Variants in MIER1 observed in about 807,000 individuals in gnomAD.
The protein encoded by MIER1 is MIER1 transcriptional regulator.
A neutral mutation model predicts 75.7 loss-of-function variants in MIER1; 40 were observed. The observed-to-expected ratio is 0.53, with a 90% CI of 0.41 to 0.69. The LOEUF is 0.69. Ranked by LOEUF, MIER1 falls within the 30% of genes least tolerant of loss-of-function variation. The pLI is 0.00. For synonymous variants in MIER1, 213 were observed against 223.4 expected (o/e 0.95, Z 0.42); for missense variants, 574 against 680.2 (o/e 0.84, Z 1.74).
At chr1:66,931,752 G>C (rs1570061390) in intron 2 of MIER1, among the ~76,000 whole-genome samples, 1 of 152,024 alleles carries the variant, frequency 6.6e-6, no homozygotes, top group Non-Finnish European at 1.5e-5. Flanking sequence ...ACTGAGAATC[G>C]GTACCTGGAT....
At chr1:66,930,236 C>G in intron 2 of MIER1, 2 of 1,444,128 alleles carry the variant, frequency 1.4e-6, no homozygotes, top group South Asian at 1.4e-5. Context: ...GTGGTGGGCG[C>G]GCTCGGGCGG....
chr1:66,971,326 T>C (rs1021088617), intron 9 of MIER1, among the ~76,000 whole-genome samples: 5 of 152,008 alleles, frequency 3.3e-5, no homozygotes, highest in African/African-American at 1.2e-4. Context: ...TTAATCATTG[T>C]TTTTTTCTGA....
At position 66,966,530 on chromosome 1, in the gene MIER1, T is replaced by C. The variant is rs540033439; in HGVS notation, c.772+3370T>C. On this transcript the variant is annotated intron_variant, in intron 8 of 13. Transcript: ENST00000401041. ...TGTGTCTTTATAGCAGCGTGATTTATAATCCTTTGGGTATATGCCCAATAA... is the reference window on the plus strand; with the variant it reads ...TGTGTCTTTATAGCAGCGTGATTTACAATCCTTTGGGTATATGCCCAATAA... Among the ~76,000 whole-genome samples, 8 of 152,364 alleles carry C rather than the reference T, an allele frequency of 5.3e-5. No homozygotes were observed. The South Asian group carries it at 1.7e-3, about 32-fold the overall frequency.
chr1:66,945,633 A>G (rs114647350), intron 3 of MIER1, among the ~76,000 whole-genome samples: 1 of 152,170 alleles, frequency 6.6e-6, no homozygotes, highest in Admixed American at 6.5e-5. Flanking sequence ...ACGCCAAGGC[A>G]GGATGATTGC....
chr1:66,952,444 A>G (rs1469228701), intron 4 of MIER1, among the ~76,000 whole-genome samples: 1 of 152,166 alleles, frequency 6.6e-6, no homozygotes, highest in Non-Finnish European at 1.5e-5. Flanking sequence ...TACTGTTTAT[A>G]GCATCAGAAT....
At chr1:66,938,793 A>G (rs1454242133) in intron 2 of MIER1, among the ~76,000 whole-genome samples, 1 of 152,118 alleles carries the variant, frequency 6.6e-6, no homozygotes, top group Non-Finnish European at 1.5e-5. Flanking sequence ...TTTGCTAGAC[A>G]ATGCTATAGG....
intron 4 of MIER1, among the ~76,000 whole-genome samples, chr1:66,953,249 G>A (rs1395220597): frequency 6.6e-6 from 1 of 152,232 alleles, no homozygotes; most frequent in Non-Finnish European, 1.5e-5. Context: ...GAGAGGCTTG[G>A]AGGGGAAATA....
chr1:66,943,274 A>G (rs373749348), intron 3 of MIER1, among the ~76,000 whole-genome samples: 1 of 152,196 alleles, frequency 6.6e-6, no homozygotes, highest in African/African-American at 2.4e-5. Flanking sequence ...TTGTGCTCCT[A>G]TGGAACCCTT....
At chr1:66,963,523 A>T (rs911462713) in intron 8 of MIER1, among the ~76,000 whole-genome samples, 4 of 152,180 alleles carry the variant, frequency 2.6e-5, no homozygotes, top group Admixed American at 2.6e-4. Flanking sequence ...TATATCAATG[A>T]AAGGCATAAA....
rs776683971 is a variant in MIER1 at position 66,958,121 on chromosome 1, A to G, written c.402A>G (p.Leu134=). 2.5e-6 allele frequency: 4 copies of G among 1,611,496 alleles called. No homozygotes were observed. The Admixed American group carries it at 5.0e-5, about 20-fold the overall frequency. ...ATGGTTATGGTAGTACTGTTCGACT[A>G]CCTGAAGAAGATGAGGAAGAGGAAG... ...SLYGYGSTVR[L]PEEDEEEEEE... The change falls in exon 5 of 14, where the codon CTA becomes CTG. Residue 134 remains leucine (L), a synonymous_variant. Transcript: ENST00000401041.
chr1:66,935,107 A>G (rs1047385017), intron 2 of MIER1, among the ~76,000 whole-genome samples: 2 of 152,182 alleles, frequency 1.3e-5, no homozygotes, highest in African/African-American at 4.8e-5. Context: ...TGTTTTTACT[A>G]TGTTGTTGTT....
Position 66,981,772 on chromosome 1 carries a change from T to C in MIER1, c.1230-7T>C, listed in dbSNP as rs1195633664. ...TTTAATATAAAAATTGTTTTATTAA[T>C]TTTAAGGGATTACATGGATCGTCTT... is the stretch of plus-strand genomic sequence containing the variant. On this transcript the variant is annotated splice_polypyrimidine_tract_variant and splice_region_variant and intron_variant, in intron 12 of 13. Transcript: ENST00000401041. 2.5e-6 allele frequency: 4 copies of C among 1,595,062 alleles called. No individual in the cohort carries two copies. The South Asian group carries it at 4.7e-5, about 19-fold the overall frequency.
At position 66,985,144 on chromosome 1, in the gene MIER1, A is replaced by G. The variant is rs932400085; in HGVS notation, c.*244A>G. ...TTGAATGAACTAAAGATATATCTCT[A>G]CCTTCTCATTTGAATATCTTTAGTT... is the stretch of plus-strand genomic sequence containing the variant. On this transcript the variant is annotated 3_prime_UTR_variant, in exon 14 of 14. Coordinates refer to ENST00000401041, the MANE Select transcript of MIER1 (RefSeq NM_001077700.3). The G allele has an allele frequency of 1.3e-5, 14 of 1,080,050 alleles. No homozygotes were observed. The highest frequency in any genetic ancestry group is 9.2e-5 in the Admixed American group (2 of 21,794). The allele number at this position is 1,080,050 out of a possible 1,614,324, so 66.9% of individuals were successfully genotyped here.
chr1:66,959,853 A>G, intron 7 of MIER1, 110 bp downstream of exon 7: 1 of 446,170 alleles, frequency 2.2e-6, no homozygotes, highest in South Asian at 5.0e-5. Flanking sequence ...AAATCGATGT[A>G]AGCCCTTTTA....
At chr1:66,978,145 G>A (rs1056603758) in intron 12 of MIER1, among the ~76,000 whole-genome samples, 4 of 149,066 alleles carry the variant, frequency 2.7e-5, no homozygotes, top group Non-Finnish European at 5.9e-5. Context: ...GCAGTGAGCC[G>A]AGATCAAACC....
intron 8 of MIER1, among the ~76,000 whole-genome samples, chr1:66,970,033 A>G (rs957492812): frequency 2.0e-5 from 3 of 152,168 alleles, no homozygotes; most frequent in Admixed American, 1.3e-4. Context: ...GTGATGTTAC[A>G]TTCTTGGTAT....
intron 7 of MIER1, among the ~76,000 whole-genome samples, chr1:66,961,520 G>T (rs1168205972): frequency 6.6e-6 from 1 of 152,120 alleles, no homozygotes; most frequent in Non-Finnish European, 1.5e-5. Context: ...GAAAAGAAAT[G>T]TTCAGAACTG....
intron 7 of MIER1, 31 bp downstream of exon 7, chr1:66,959,774 G>A: frequency 9.1e-7 from 1 of 1,104,616 alleles, no homozygotes; most frequent in Non-Finnish European, 1.3e-6. Context: ...CCAAAATTTA[G>A]ATAAATTAAT....
rs772461391 is a variant in MIER1, at chr1:66,946,178, A to G, written c.222A>G (p.Glu74=). 1.2e-5 allele frequency: 20 copies of G among 1,610,794 alleles called. No homozygotes were observed. In the South Asian group the frequency reaches 2.2e-4, roughly 18 times the overall value. ...GTTCAGCAACATCAGATGACCATGA[A>G]TTTGATCCATCAGCTGACATGCTGG... ...PGGSATSDDH[E]FDPSADMLVH... Residue 74 remains glutamate (E), a synonymous_variant, in exon 4 of 14, where the codon GAA becomes GAG. Transcript: ENST00000401041.
Sources: allele counts gnomAD v4.1 joint callset (sites outside exome capture counted in the v4.1 genomes callset), GRCh38; gene constraint gnomAD v4.1.1; transcripts MANE v1.5; gene names NCBI Gene and HGNC (gene_info 2026-07-23, HGNC 2026-07-21).